The following ARID2 variants were observed in gnomAD, a reference collection of about 807,000 sequenced individuals.
The protein encoded by ARID2 is AT-rich interactive domain-containing protein 2.
ARID2 carries 32 observed loss-of-function variants against 184.6 expected under a neutral mutation model. The ratio of observed to expected loss-of-function variants is 0.17; its 90% CI spans 0.13 to 0.23. The LOEUF (loss-of-function observed/expected upper bound fraction) is 0.23, where lower values mean the gene tolerates loss of function less well. ARID2 is among the 10% of genes least tolerant of loss of function. The pLI is 1.00. For missense variants in ARID2, 1,696 were observed against 2,197.6 expected (o/e 0.77, Z 4.56); for synonymous variants, 836 against 772.6 (o/e 1.08, Z -1.36).
At chr12:45,778,239 T>C (rs183035365) in intron 3 of ARID2, among the ~76,000 whole-genome samples, 1 of 152,092 alleles carries the variant, frequency 6.6e-6, no homozygotes, top group East Asian at 1.9e-4. Flanking sequence ...CCAGTTTATA[T>C]GTGTTCCCCC....
intron 3 of ARID2, among the ~76,000 whole-genome samples, chr12:45,741,988 C>T (rs955417039): frequency 2.6e-5 from 4 of 152,144 alleles, no homozygotes; most frequent in African/African-American, 9.7e-5. Context: ...TCTTCCATTC[C>T]GTGTATCTCC....
At chr12:45,757,886 A>G (rs867738429) in intron 3 of ARID2, among the ~76,000 whole-genome samples, 3 of 152,196 alleles carry the variant, frequency 2.0e-5, no homozygotes, top group Non-Finnish European at 4.4e-5. Flanking sequence ...GAACTGGTGG[A>G]ATAGACATGG....
At chr12:45,776,931 C>T (rs1188516735) in intron 3 of ARID2, among the ~76,000 whole-genome samples, 1 of 151,538 alleles carries the variant, frequency 6.6e-6, no homozygotes, top group African/African-American at 2.4e-5. Context: ...TACAGGCACA[C>T]ACCACCATGC....
At chr12:45,869,215 C>A (rs1261249261) in intron 16 of ARID2, among the ~76,000 whole-genome samples, 1 of 152,018 alleles carries the variant, frequency 6.6e-6, no homozygotes, top group Non-Finnish European at 1.5e-5. Context: ...CAGGGTTTCA[C>A]CATATTGGCC....
chr12:45,874,779 A>T (rs1943983953), intron 16 of ARID2, among the ~76,000 whole-genome samples: 1 of 152,196 alleles, frequency 6.6e-6, no homozygotes, highest in African/African-American at 2.4e-5. Context: ...ACTTTGCCAG[A>T]TCTATCCATG....
intron 4 of ARID2, among the ~76,000 whole-genome samples, chr12:45,813,423 G>A (rs1304262227): frequency 7.1e-6 from 1 of 139,882 alleles, no homozygotes; most frequent in Middle Eastern, 3.5e-3. Context: ...AAGGAAAATA[G>A]AATAAGCTCC....
At chr12:45,901,799 C>T (rs1048884768) in intron 20 of ARID2, among the ~76,000 whole-genome samples, 1 of 151,974 alleles carries the variant, frequency 6.6e-6, no homozygotes, top group Non-Finnish European at 1.5e-5. Context: ...GTAATTGGGA[C>T]CACAAGCATA....
chr12:45,880,005 G>T (rs1228003193), intron 16 of ARID2, among the ~76,000 whole-genome samples: 1 of 152,106 alleles, frequency 6.6e-6, no homozygotes, highest in South Asian at 2.1e-4. Flanking sequence ...TGAATAAGTG[G>T]TGTCAGGCAA....
At chr12:45,739,438 CT>C (rs71067906) in intron 3 of ARID2, among the ~76,000 whole-genome samples, 39 of 90,754 alleles carry the variant, frequency 4.3e-4, no homozygotes, top group African/African-American at 1.2e-3. Context: ...TATAAAGTTA[CT>C]TTTTTTTTTT....
chr12:45,894,859 G>A (rs980827519), intron 20 of ARID2, among the ~76,000 whole-genome samples: 4 of 149,784 alleles, frequency 2.7e-5, no homozygotes, highest in African/African-American at 1.0e-4. Context: ...TTGTTTCATA[G>A]CCTACATTTC....
chr12:45,905,132 C>T lies in ARID2; in HGVS notation c.*54C>T. The T allele has an allele frequency of 6.4e-7, 1 of 1,563,762 alleles. No individual in the cohort carries two copies. Among genetic ancestry groups the T allele is most frequent in the East Asian group, 2.3e-5 (1 of 43,586 alleles). On this transcript the variant is annotated 3_prime_UTR_variant, in exon 21 of 21. Coordinates refer to ENST00000334344, the MANE Select transcript of ARID2 (RefSeq NM_152641.4). The stretch of plus-strand genomic sequence containing the variant: ...CTCAAAGTCAGCCACATTTCACATA[C>T]TGTTACTGAAGAAAGCACCAAGTCT...
chr12:45,903,617 C>G (rs1480361813), intron 20 of ARID2, among the ~76,000 whole-genome samples: 1 of 152,172 alleles, frequency 6.6e-6, no homozygotes, highest in Non-Finnish European at 1.5e-5. Flanking sequence ...ATTCTTCAGT[C>G]TCATTTTTTG....
At chr12:45,792,055 A>G (rs1942302693) in intron 3 of ARID2, among the ~76,000 whole-genome samples, 2 of 152,104 alleles carry the variant, frequency 1.3e-5, no homozygotes, top group Admixed American at 6.5e-5. Context: ...TCTCTATATT[A>G]TATTAATTTT....
chr12:45,824,859 A>G (rs1195436354), intron 6 of ARID2, among the ~76,000 whole-genome samples: 1 of 147,932 alleles, frequency 6.8e-6, no homozygotes, highest in Admixed American at 6.8e-5. Context: ...ATAAAGTTAT[A>G]TATATACATA....
chr12:45,759,930 A>G (rs1269394315), intron 3 of ARID2, among the ~76,000 whole-genome samples: 1 of 152,106 alleles, frequency 6.6e-6, no homozygotes, highest in East Asian at 1.9e-4. Context: ...CATGTATATG[A>G]TATTATTTGA....
At chr12:45,825,612 T>G (rs1196232116) in intron 6 of ARID2, among the ~76,000 whole-genome samples, 1 of 152,162 alleles carries the variant, frequency 6.6e-6, no homozygotes, top group African/African-American at 2.4e-5. Flanking sequence ...AAGACTTACT[T>G]GACAATTTTA....
At chr12:45,793,656 T>C (rs1942334257) in intron 3 of ARID2, among the ~76,000 whole-genome samples, 2 of 151,656 alleles carry the variant, frequency 1.3e-5, no homozygotes, top group Non-Finnish European at 2.9e-5. Context: ...TATATACATA[T>C]ATATCTCAGC....
intron 3 of ARID2, among the ~76,000 whole-genome samples, chr12:45,804,816 T>C (rs1409343417): frequency 2.0e-5 from 3 of 152,108 alleles, no homozygotes; most frequent in Admixed American, 6.5e-5. Flanking sequence ...AGACTTTAGC[T>C]TGTCCTCTAG....
intron 3 of ARID2, among the ~76,000 whole-genome samples, chr12:45,778,301 G>A (rs953671784): frequency 6.6e-5 from 10 of 152,128 alleles, no homozygotes; most frequent in Non-Finnish European, 1.2e-4. Context: ...AGATGGCAGA[G>A]TAGAGGTAAC....
Sources: allele counts gnomAD v4.1 joint callset (sites outside exome capture counted in the v4.1 genomes callset), GRCh38; gene constraint gnomAD v4.1.1; transcripts MANE v1.5; gene names NCBI Gene and HGNC (gene_info 2026-07-23, HGNC 2026-07-21).